Variants in GNAL observed in about 807,000 individuals in gnomAD.
GNAL encodes guanine nucleotide-binding protein G(olf) subunit alpha.
In GNAL, 18 loss-of-function variants were observed where a neutral mutation model predicts 55.1. The ratio of observed to expected loss-of-function variants is 0.33; its 90% CI spans 0.23 to 0.48. The LOEUF (loss-of-function observed/expected upper bound fraction) is 0.48. Among genes scored for constraint, GNAL ranks in the 20% least tolerant of loss-of-function variants. The probability of loss-of-function intolerance (pLI) is 0.99; values close to 1 mark genes in which losing one functional copy is unlikely to be tolerated. For synonymous variants in GNAL, 253 were observed against 237.0 expected (o/e 1.07, Z -0.62); for missense variants, 412 against 614.1 (o/e 0.67, Z 3.48).
intron 1 of GNAL, among the ~76,000 whole-genome samples, chr18:11,720,716 T>G (rs1480955236): frequency 6.6e-6 from 1 of 152,220 alleles, no homozygotes. Context: ...ATGTCGAAAT[T>G]TGGAAATTTC....
At chr18:11,760,192 A>G (rs1472487490) in intron 4 of GNAL, among the ~76,000 whole-genome samples, 2 of 152,182 alleles carry the variant, frequency 1.3e-5, no homozygotes, top group Non-Finnish European at 2.9e-5. Flanking sequence ...GTTATGATAG[A>G]ATCCTCTGAA....
At chr18:11,765,067 G>C (rs2033362582) in intron 4 of GNAL, among the ~76,000 whole-genome samples, 1 of 152,062 alleles carries the variant, frequency 6.6e-6, no homozygotes, top group Non-Finnish European at 1.5e-5. Context: ...AGATGGTGAG[G>C]CTGCTTTGTC....
intron 9 of GNAL, 133 bp from the exon 10 acceptor site, chr18:11,872,135 G>A: frequency 1.6e-6 from 1 of 623,506 alleles, no homozygotes; most frequent in Non-Finnish European, 2.8e-6. Context: ...GGATACTGGT[G>A]TACTGAACTT....
chr18:11,853,990 T>A (rs983528355), intron 5 of GNAL: 6 of 164,944 alleles, frequency 3.6e-5, no homozygotes, highest in African/African-American at 1.4e-4. Flanking sequence ...GCCCAGCTAG[T>A]TTTTTTGTAT....
At chr18:11,709,580 G>GT (rs1233100741) in intron 1 of GNAL, among the ~76,000 whole-genome samples, 2 of 151,986 alleles carry the variant, frequency 1.3e-5, no homozygotes, top group Admixed American at 6.6e-5. Flanking sequence ...AAATGAGATT[G>GT]TTTTTTAATT....
chr18:11,868,805 G>A lies in GNAL; in HGVS notation c.1031+142G>A, dbSNP rs1303954317. On this transcript the variant is annotated intron_variant, in intron 9 of 11. Transcript: ENST00000334049. The surrounding 1 kb of genome is among the most constrained non-coding windows in gnomAD (Gnocchi z 4.0). ...GCAGGTGTGTCACTTGAGCTCAGCA[G>A]TTGGAGACTAGCCTGGGCAACATGG... The A allele has an allele frequency of 1.1e-5, 7 of 635,666 alleles. No homozygotes were observed. The highest frequency in any genetic ancestry group is 1.9e-5 in the Non-Finnish European group (7 of 377,226). 39.4% of individuals were successfully genotyped at this position (635,666 alleles called of 1,614,324 possible).
intron 4 of GNAL, among the ~76,000 whole-genome samples, chr18:11,766,037 G>A (rs746001946): frequency 3.9e-5 from 6 of 152,090 alleles, no homozygotes; most frequent in South Asian, 2.1e-4. Context: ...TATTTTGAAC[G>A]TCTTAGCACT....
intron 5 of GNAL, among the ~76,000 whole-genome samples, chr18:11,828,769 G>A (rs1372625939): frequency 6.6e-6 from 1 of 152,162 alleles, no homozygotes; most frequent in Non-Finnish European, 1.5e-5. Context: ...GAAATGGTGT[G>A]AGCTTGGCAA....
intron 1 of GNAL, among the ~76,000 whole-genome samples, chr18:11,721,464 G>A (rs1412057949): frequency 6.6e-6 from 1 of 152,008 alleles, no homozygotes; most frequent in Non-Finnish European, 1.5e-5. Flanking sequence ...TTTGAAAATA[G>A]TCTCACCGGC....
intron 4 of GNAL, among the ~76,000 whole-genome samples, chr18:11,764,722 C>T (rs975184071): frequency 6.6e-6 from 1 of 152,086 alleles, no homozygotes; most frequent in African/African-American, 2.4e-5. Flanking sequence ...TCACAGTGAG[C>T]CATGATCCAG....
intron 5 of GNAL, among the ~76,000 whole-genome samples, chr18:11,856,180 A>C (rs1267791247): frequency 1.3e-5 from 2 of 151,474 alleles, no homozygotes; most frequent in East Asian, 1.9e-4. Flanking sequence ...AGTGGACACT[A>C]AGGAAACTGA....
chr18:11,789,832 G>A (rs2034178962), intron 4 of GNAL, among the ~76,000 whole-genome samples: 1 of 152,192 alleles, frequency 6.6e-6, no homozygotes, highest in African/African-American at 2.4e-5. Flanking sequence ...CTGGGAAAGG[G>A]CCTTGTTGTT....
At position 11,689,580 on chromosome 18, in the gene GNAL, G is replaced by A; in HGVS notation, c.17G>A (p.Ser6Asn). Residue 6 changes from serine to asparagine, a missense_variant, in exon 1 of 12, where the codon AGT becomes AAT. Ser to Asn is a conservative substitution (Grantham distance 46, BLOSUM62 1). Coordinates refer to ENST00000334049, the MANE Select transcript of GNAL (RefSeq NM_182978.4). MGLCY[S>N]LRPLLFGGPG... is the part of the protein sequence containing the mutation. ...CGCGCCCACATGGGTCTGTGCTACA[G>A]TCTGCGGCCGCTGCTTTTCGGGGGC... 7.5e-7 allele frequency: 1 copy of A among 1,332,260 alleles called. No homozygotes were observed. Among genetic ancestry groups the A allele is most frequent in the Non-Finnish European group, 9.5e-7 (1 of 1,051,028 alleles). 82.5% of individuals were successfully genotyped at this position (1,332,260 alleles called of 1,614,324 possible).
intron 4 of GNAL, among the ~76,000 whole-genome samples, chr18:11,768,329 C>T (rs939091490): frequency 2.0e-5 from 3 of 152,258 alleles, no homozygotes; most frequent in African/African-American, 7.2e-5. Flanking sequence ...GGCCGGGCAC[C>T]GTGGCTCACA....
chr18:11,816,430 G>A (rs2034956490), intron 4 of GNAL, among the ~76,000 whole-genome samples: 1 of 151,954 alleles, frequency 6.6e-6, no homozygotes, highest in Non-Finnish European at 1.5e-5. Flanking sequence ...CTAAGTAGCT[G>A]GGACTACAGG....
chr18:11,825,237 G>A (rs1450865559), intron 5 of GNAL, among the ~76,000 whole-genome samples: 2 of 152,132 alleles, frequency 1.3e-5, no homozygotes, highest in Non-Finnish European at 2.9e-5. Context: ...CGTTCATTTT[G>A]TCCTGATTGT....
At chr18:11,728,052 G>A (rs1367629132) in intron 1 of GNAL, among the ~76,000 whole-genome samples, 1 of 151,988 alleles carries the variant, frequency 6.6e-6, no homozygotes, top group Non-Finnish European at 1.5e-5. Context: ...CATAGGCAGA[G>A]TTTGTCTCTA....
chr18:11,818,739 A>C (rs1239612054), intron 4 of GNAL, among the ~76,000 whole-genome samples: 1 of 152,238 alleles, frequency 6.6e-6, no homozygotes, highest in East Asian at 1.9e-4. Context: ...AAGCTTTCAC[A>C]CAGTGAACTC....
At chr18:11,754,012 T>C (rs747231872) in intron 4 of GNAL, 67 bp downstream of exon 4, 13 of 1,225,804 alleles carry the variant, frequency 1.1e-5, no homozygotes, top group Middle Eastern at 1.9e-4. Flanking sequence ...AGGTTTCTTA[T>C]TGAGAATCAA....
Sources: allele counts gnomAD v4.1 joint callset (sites outside exome capture counted in the v4.1 genomes callset), GRCh38; gene constraint gnomAD v4.1.1; non-coding constraint Gnocchi (gnomAD v3.1); transcripts MANE v1.5; gene names NCBI Gene and HGNC (gene_info 2026-07-23, HGNC 2026-07-21).